Variants in NT5C2 observed in about 807,000 individuals in gnomAD.
NT5C2 encodes the protein 5'-nucleotidase, cytosolic II.
A neutral mutation model predicts 76.1 loss-of-function variants in NT5C2; 58 were observed. The observed-to-expected ratio is 0.76, with a 90% CI of 0.62 to 0.95. The LOEUF is 0.95. NT5C2 is among the 40% of genes least tolerant of loss of function. The pLI is 0.00. For synonymous variants in NT5C2, 229 were observed against 237.4 expected (o/e 0.96, Z 0.32); for missense variants, 478 against 690.3 (o/e 0.69, Z 3.45).
intron 4 of NT5C2, among the ~76,000 whole-genome samples, chr10:103,132,830 G>C (rs756656423): frequency 6.6e-6 from 1 of 152,016 alleles, no homozygotes; most frequent in Non-Finnish European, 1.5e-5. Context: ...GATTATAGGC[G>C]TGAGCCACCG....
At chr10:103,181,019 GGGTAAGGA>G (rs2090967631) in intron 2 of NT5C2, among the ~76,000 whole-genome samples, 158 bp downstream of exon 2, 1 of 152,098 alleles carries the variant, frequency 6.6e-6, no homozygotes, top group African/African-American at 2.4e-5. Flanking sequence ...TGGTTCCCTG[GGGTAAGGA>G]GGTCAAGTAC....
At position 103,130,565 on chromosome 10, in the gene NT5C2, T is replaced by C. The variant is rs868724401; in HGVS notation, c.175+8841A>G. ...AGAATTATCAATAAAAAAATAAATT[T>C]AAAAAAAAAATAAAAATTAAAAAAA... On this transcript the variant is annotated intron_variant, in intron 4 of 18. Transcript: ENST00000404739. Among the ~76,000 whole-genome samples the C allele has an allele frequency of 1.7e-3, 167 of 96,050 alleles. 1 individual carries two copies. The highest frequency in any genetic ancestry group is 6.3e-3 in the African/African-American group (158 of 25,016). 63.0% of individuals were successfully genotyped at this position (96,050 alleles called of 152,430 possible). A position where few individuals can be genotyped will look rare whatever the true frequency, so the allele number is the denominator to read the frequency against.
intron 11 of NT5C2, among the ~76,000 whole-genome samples, chr10:103,096,754 G>A (rs753788181): frequency 2.1e-5 from 3 of 145,832 alleles, no homozygotes; most frequent in Non-Finnish European, 3.0e-5. Flanking sequence ...GCTGAGGCAG[G>A]AGAATTGCTT....
chr10:103,119,175 G>A (rs529245544), intron 4 of NT5C2, among the ~76,000 whole-genome samples: 8 of 152,248 alleles, frequency 5.3e-5, no homozygotes, highest in Admixed American at 5.2e-4. Flanking sequence ...TTCAAGACCA[G>A]CCTGACCAAC....
chr10:103,109,894 T>A (rs2072489828), intron 4 of NT5C2, among the ~76,000 whole-genome samples: 1 of 152,218 alleles, frequency 6.6e-6, no homozygotes, highest in African/African-American at 2.4e-5. Context: ...AATCCTAGAA[T>A]AGCAGAAAAT....
At position 103,089,876 on chromosome 10, in the gene NT5C2, G is replaced by A. The variant is rs932084884; in HGVS notation, c.1482C>T (p.His494=). 11 of 1,612,186 alleles carry A rather than the reference G, an allele frequency of 6.8e-6. No individual in the cohort carries two copies. Among genetic ancestry groups the A allele is most frequent in the Middle Eastern group, 1.7e-4 (1 of 6,046 alleles). ...GAGACTCCATCTCATTGATATCTACGTGTGTGTGCTCCACCGTTGATTCAT... is the reference window on the plus strand; with the variant it reads ...GAGACTCCATCTCATTGATATCTACATGTGTGTGCTCCACCGTTGATTCAT... The part of the protein sequence containing the change: ...MPHESTVEHT[H]VDINEMESPL... The change falls in exon 19 of 19, where the codon CAC becomes CAT. Residue 494 remains histidine (H), a synonymous_variant. Transcript: ENST00000404739.
chr10:103,090,890 A>G, intron 17 of NT5C2, 46 bp downstream of exon 17: 1 of 1,599,828 alleles, frequency 6.3e-7, no homozygotes, highest in African/African-American at 1.3e-5. Context: ...TGAAAAAAGC[A>G]TTTAAACTTA....
At chr10:103,111,749 G>GGCAGAT in intron 4 of NT5C2, 1 of 1,231,962 alleles carries the variant, frequency 8.1e-7, no homozygotes, top group Non-Finnish European at 1.0e-6. Context: ...ACTCACATGA[G>GGCAGAT]GCAGATGCAG....
At chr10:103,173,540 C>T (rs1807397439) in intron 3 of NT5C2, among the ~76,000 whole-genome samples, 1 of 149,950 alleles carries the variant, frequency 6.7e-6, no homozygotes, top group Non-Finnish European at 1.5e-5. Context: ...TGGCGTGGAC[C>T]CGGGAGACGG....
chr10:103,088,866 C>T lies in NT5C2; in HGVS notation c.*806G>A, dbSNP rs944831695. On this transcript the variant is annotated 3_prime_UTR_variant, in exon 19 of 19. Transcript: ENST00000404739. Reference sequence around the variant, plus strand: ...GCATGAGCCACAGCTATATAGCCCACACTAATGCATGTTCTGTAGTATAAG... The same window carrying T: ...GCATGAGCCACAGCTATATAGCCCATACTAATGCATGTTCTGTAGTATAAG... The T allele has an allele frequency of 1.5e-5, 3 of 203,340 alleles. No homozygotes were observed. The highest frequency in any genetic ancestry group is 4.6e-5 in the African/African-American group (2 of 43,650). The allele number at this position is 203,340 out of a possible 1,614,324, so 12.6% of individuals were successfully genotyped here.
intron 4 of NT5C2, among the ~76,000 whole-genome samples, chr10:103,122,882 A>C (rs931077250): frequency 1.3e-5 from 2 of 152,112 alleles, no homozygotes; most frequent in Non-Finnish European, 2.9e-5. Flanking sequence ...CTCTACAACT[A>C]TCCACTTCTT....
chr10:103,130,370 A>C (rs995382939), intron 4 of NT5C2, among the ~76,000 whole-genome samples: 25 of 151,846 alleles, frequency 1.6e-4, no homozygotes, highest in Non-Finnish European at 2.8e-4. Context: ...GCTCGTTAAG[A>C]GTCATCACAA....
Position 103,098,955 on chromosome 10 carries a change from A to G in NT5C2, c.663T>C (p.Asn221=). 6.2e-7 allele frequency: 1 copy of G among 1,608,386 alleles called. No homozygotes were observed. Among genetic ancestry groups the G allele is most frequent in the Non-Finnish European group, 8.5e-7 (1 of 1,175,666 alleles). ...KGSLKEKTVE[N]LEKYVVKDGK... ...CATCTTTGACTACATACTTCTCAAGATTTTCAACTGTCTTTTCCTTAAGGG... is the reference window on the plus strand; with the variant it reads ...CATCTTTGACTACATACTTCTCAAGGTTTTCAACTGTCTTTTCCTTAAGGG... The change falls in exon 10 of 19, where the codon AAT becomes AAC. Residue 221 remains asparagine, a synonymous_variant. Transcript: ENST00000404739.
chr10:103,190,564 T>C (rs1479731178), intron 1 of NT5C2, among the ~76,000 whole-genome samples: 1 of 152,212 alleles, frequency 6.6e-6, no homozygotes, highest in African/African-American at 2.4e-5. Context: ...GTAAAATTTG[T>C]TCTATTTTTC....
At chr10:103,129,838 G>A (rs2077690951) in intron 4 of NT5C2, among the ~76,000 whole-genome samples, 3 of 87,126 alleles carry the variant, frequency 3.4e-5, no homozygotes, top group African/African-American at 1.5e-4. Flanking sequence ...GGGAAGTGAG[G>A]AGCCCCTCTG....
intron 4 of NT5C2, among the ~76,000 whole-genome samples, chr10:103,117,361 C>T (rs2074579368): frequency 6.6e-6 from 1 of 152,204 alleles, no homozygotes; most frequent in Non-Finnish European, 1.5e-5. Flanking sequence ...ACAATCACTA[C>T]CAGGCTGGGC....
intron 3 of NT5C2, among the ~76,000 whole-genome samples, chr10:103,154,386 A>G (rs1278654530): frequency 1.3e-5 from 2 of 152,178 alleles, no homozygotes; most frequent in African/African-American, 2.4e-5. Context: ...ACTAAATACT[A>G]TAAATTCAAA....
chr10:103,093,899 G>C, intron 14 of NT5C2, 73 bp downstream of exon 14: 1 of 1,155,260 alleles, frequency 8.7e-7, no homozygotes, highest in Non-Finnish European at 1.3e-6. Flanking sequence ...GTGGCACTTT[G>C]CTGAGAGATT....
intron 4 of NT5C2, among the ~76,000 whole-genome samples, chr10:103,116,551 TA>T (rs1461681796): frequency 6.6e-6 from 1 of 151,884 alleles, no homozygotes; most frequent in African/African-American, 2.4e-5. Flanking sequence ...GCTTCCAAAT[TA>T]AGGGCTGCTT....
Sources: gnomAD v4.1 joint callset for allele counts (sites outside exome capture counted in the v4.1 genomes callset) on GRCh38, gnomAD v4.1.1 for gene constraint, MANE v1.5 for transcripts, NCBI Gene and HGNC (gene_info 2026-07-23, HGNC 2026-07-21) for gene names.